RPS6KA5: variants seen among roughly 807,000 people sequenced by gnomAD.
The protein encoded by RPS6KA5 is ribosomal protein S6 kinase alpha-5.
In RPS6KA5, 27 loss-of-function variants were observed where a neutral mutation model predicts 85.5. The ratio of observed to expected loss-of-function variants is 0.32; its 90% CI spans 0.23 to 0.44. The LOEUF (loss-of-function observed/expected upper bound fraction) is 0.44. Ranked by LOEUF, RPS6KA5 falls within the 20% of genes least tolerant of loss-of-function variation. The probability of loss-of-function intolerance (pLI) is 1.00; values close to 1 mark genes in which losing one functional copy is unlikely to be tolerated. For missense variants in RPS6KA5, 811 were observed against 980.9 expected, an observed-to-expected ratio of 0.83 and a Z score of 2.31; for synonymous variants, 334 against 348.2, an observed-to-expected ratio of 0.96 and a Z score of 0.46.
intron 5 of RPS6KA5, among the ~76,000 whole-genome samples, chr14:90,926,889 G>T (rs2036705537): frequency 6.6e-6 from 1 of 151,978 alleles, no homozygotes; most frequent in South Asian, 2.1e-4. Flanking sequence ...TCAGATGCAA[G>T]AAGCAAGAAT....
At chr14:90,990,498 C>T (rs2040256019) in intron 2 of RPS6KA5, among the ~76,000 whole-genome samples, 2 of 152,136 alleles carry the variant, frequency 1.3e-5, no homozygotes, top group Admixed American at 6.5e-5. Flanking sequence ...AACAGAAATA[C>T]CACTCAACCC....
intron 2 of RPS6KA5, among the ~76,000 whole-genome samples, chr14:90,980,946 TGGATCACCTGA>T (rs1253323515): frequency 6.6e-6 from 1 of 151,974 alleles, no homozygotes; most frequent in Non-Finnish European, 1.5e-5. Context: ...CTGAGGCAGG[TGGATCACCTGA>T]GGTCAGGAGT....
rs569946755 is a variant in RPS6KA5 at position 90,869,731 on chromosome 14, C to T, written c.*2343G>A. On this transcript the variant is annotated 3_prime_UTR_variant, in exon 17 of 17. Transcript: ENST00000614987. Reference sequence around the variant, plus strand: ...GCTTTCTGAATTTTAAAGTGCAATTCACTGTATGTTAATACACAGCCTGCA... The same window carrying T: ...GCTTTCTGAATTTTAAAGTGCAATTTACTGTATGTTAATACACAGCCTGCA... 1 of 152,276 alleles carries T rather than the reference C, an allele frequency of 6.6e-6. No individual in the cohort carries two copies. Among genetic ancestry groups the T allele is most frequent in the Non-Finnish European group, 1.5e-5 (1 of 68,034 alleles). 9.4% of individuals were successfully genotyped at this position (152,276 alleles called of 1,614,324 possible).
chr14:90,894,093 G>A, intron 13 of RPS6KA5: 1 of 980,256 alleles, frequency 1.0e-6, no homozygotes, highest in Non-Finnish European at 1.2e-6. Flanking sequence ...ATATGTAAGA[G>A]ATATTATTTT....
intron 5 of RPS6KA5, among the ~76,000 whole-genome samples, chr14:90,926,646 T>C: frequency 7.4e-6 from 1 of 134,910 alleles, no homozygotes; most frequent in Non-Finnish European, 1.6e-5. Flanking sequence ...TATGTATGTG[T>C]ATATATATAT....
intron 1 of RPS6KA5, among the ~76,000 whole-genome samples, chr14:91,016,866 C>CAAAA (rs34806962): frequency 1.7e-5 from 2 of 120,796 alleles, no homozygotes; most frequent in Non-Finnish European, 1.8e-5. Context: ...TCTAAACAGG[C>CAAAA]AAAAAAAAAA....
At chr14:90,954,079 C>T (rs193138441) in intron 3 of RPS6KA5, among the ~76,000 whole-genome samples, 180 of 152,276 alleles carry the variant, frequency 1.2e-3, no homozygotes, top group East Asian at 0.01. Context: ...ACGGTCCTAC[C>T]GATATGTGAT....
chr14:90,963,058 C>T (rs1013724169), intron 3 of RPS6KA5, among the ~76,000 whole-genome samples: 1 of 152,106 alleles, frequency 6.6e-6, no homozygotes, highest in African/African-American at 2.4e-5. Flanking sequence ...TTTTCCAGTC[C>T]AATTTCTAGT....
intron 2 of RPS6KA5, among the ~76,000 whole-genome samples, chr14:90,994,560 G>GTTTT (rs1672471008): frequency 2.8e-5 from 3 of 107,072 alleles, no homozygotes; most frequent in Non-Finnish European, 3.9e-5. Flanking sequence ...GGATGTTTGT[G>GTTTT]ATTTTTTTTT....
At chr14:90,989,227 T>G (rs1423192454) in intron 2 of RPS6KA5, among the ~76,000 whole-genome samples, 1 of 152,162 alleles carries the variant, frequency 6.6e-6, no homozygotes, top group Non-Finnish European at 1.5e-5. Context: ...TATAATAACT[T>G]ATGCCAAAGG....
rs566851581 is a variant in RPS6KA5, at chr14:90,866,859, T to G, written c.*5215A>C. ...GTGACACAGCACCTTTAAATTTCTG[T>G]TTTTATTCAGCCAAAGAATGAGAAT... On this transcript the variant is annotated 3_prime_UTR_variant, in exon 17 of 17. Transcript: ENST00000614987. The G allele has an allele frequency of 1.3e-5, 2 of 152,344 alleles. No homozygotes were observed. Among genetic ancestry groups the G allele is most frequent in the South Asian group, 4.1e-4 (2 of 4,832 alleles). The allele number at this position is 152,344 out of a possible 1,614,324, so 9.4% of individuals were successfully genotyped here.
chr14:90,876,267 T>C (rs2033468359), intron 14 of RPS6KA5, among the ~76,000 whole-genome samples: 2 of 152,360 alleles, frequency 1.3e-5, no homozygotes, highest in South Asian at 4.1e-4. Context: ...TGAATAACTA[T>C]GTTTTTCTAT....
chr14:90,944,570 A>G (rs1258526212), intron 4 of RPS6KA5, among the ~76,000 whole-genome samples: 2 of 152,216 alleles, frequency 1.3e-5, no homozygotes, highest in Non-Finnish European at 2.9e-5. Context: ...AGCCTGACCA[A>G]CATGGAGAAA....
chr14:90,941,210 T>C (rs1016867022), intron 5 of RPS6KA5, among the ~76,000 whole-genome samples: 1 of 152,138 alleles, frequency 6.6e-6, no homozygotes, highest in African/African-American at 2.4e-5. Context: ...TAAAATACAG[T>C]CACAAAACTA....
chr14:90,909,489 T>C (rs2140256280), intron 7 of RPS6KA5, among the ~76,000 whole-genome samples: 1 of 152,310 alleles, frequency 6.6e-6, no homozygotes, highest in South Asian at 2.1e-4. Flanking sequence ...AAGACTGCTA[T>C]TTTTATCCTT....
intron 4 of RPS6KA5, among the ~76,000 whole-genome samples, chr14:90,944,847 G>A (rs541814740): frequency 6.6e-6 from 1 of 152,232 alleles, no homozygotes; most frequent in East Asian, 1.9e-4. Context: ...TGAGCTCAGG[G>A]TGTTTGGGGC....
intron 7 of RPS6KA5, among the ~76,000 whole-genome samples, chr14:90,918,629 C>T (rs1027094518): frequency 3.3e-5 from 5 of 152,158 alleles, no homozygotes; most frequent in African/African-American, 1.2e-4. Flanking sequence ...TGTTTCCTTC[C>T]AGAAGTTTTA....
chr14:90,851,564 T>TGCA lies in RPS6KA5; in HGVS notation c.*20507_*20509dup, dbSNP rs2031998831. ...GTGATTTGCTCAGGGTCACCAAGTC[T>TGCA]GCAGCTAAGCTGGAAATAAAGTACC... On this transcript the variant is annotated 3_prime_UTR_variant, in exon 17 of 17. Coordinates refer to ENST00000614987, the MANE Select transcript of RPS6KA5 (RefSeq NM_004755.4). 6.6e-6 allele frequency: 1 copy of TGCA among 152,138 alleles called. No homozygotes were observed. The highest frequency in any genetic ancestry group is 2.4e-5 in the African/African-American group (1 of 41,428). The allele number at this position is 152,138 out of a possible 1,614,324, so 9.4% of individuals were successfully genotyped here.
intron 7 of RPS6KA5, among the ~76,000 whole-genome samples, chr14:90,907,651 T>C (rs1681455215): frequency 6.6e-6 from 1 of 152,200 alleles, no homozygotes; most frequent in South Asian, 2.1e-4. Context: ...AAGTTAATTC[T>C]ACCTCTAGCA....
Sources: gnomAD v4.1 joint callset for allele counts (sites outside exome capture counted in the v4.1 genomes callset) on GRCh38, gnomAD v4.1.1 for gene constraint, MANE v1.5 for transcripts, NCBI Gene and HGNC (gene_info 2026-07-23, HGNC 2026-07-21) for gene names.